Variants in GABRB1 observed in about 807,000 individuals in gnomAD.
GABRB1 encodes gamma-aminobutyric acid receptor subunit beta-1.
Under a neutral mutation model 51.6 loss-of-function variants are expected in GABRB1, and 17 were observed. That is an observed-to-expected ratio of 0.33 (90% CI 0.23 to 0.49). The LOEUF (loss-of-function observed/expected upper bound fraction) is 0.49. GABRB1 is among the 20% of genes least tolerant of loss of function. The pLI, the probability that GABRB1 is intolerant of heterozygous loss-of-function variation, is 0.99. For synonymous variants in GABRB1, 247 were observed against 218.9 expected (o/e 1.13, Z -1.14); for missense variants, 410 against 600.6 (o/e 0.68, Z 3.32).
At chr4:47,394,748 A>G (rs1176549146) in intron 5 of GABRB1, among the ~76,000 whole-genome samples, 1 of 151,904 alleles carries the variant, frequency 6.6e-6, no homozygotes, top group Admixed American at 6.6e-5. Context: ...AAAAAAGTCC[A>G]TGGGAGAAAT....
At chr4:47,089,363 A>G (rs1029943177) in intron 3 of GABRB1, among the ~76,000 whole-genome samples, 2 of 152,176 alleles carry the variant, frequency 1.3e-5, no homozygotes, top group African/African-American at 4.8e-5. Flanking sequence ...ACGAAAGGCA[A>G]TGTATTCTAG....
chr4:47,243,437 G>A (rs1250467302), intron 4 of GABRB1, among the ~76,000 whole-genome samples: 3 of 152,170 alleles, frequency 2.0e-5, no homozygotes, highest in Non-Finnish European at 4.4e-5. Context: ...GTCATTGGTA[G>A]CTTGATGGGA....
At chr4:47,307,406 T>TCA (rs1039870916) in intron 4 of GABRB1, among the ~76,000 whole-genome samples, 3 of 152,038 alleles carry the variant, frequency 2.0e-5, no homozygotes, top group African/African-American at 7.2e-5. Context: ...TCTGGAGTGC[T>TCA]CAATTATTAA....
intron 3 of GABRB1, among the ~76,000 whole-genome samples, chr4:47,102,100 A>T (rs2109609220): frequency 6.6e-6 from 1 of 152,180 alleles, no homozygotes; most frequent in South Asian, 2.1e-4. Context: ...TTGGCAAGTC[A>T]TCATAAGAAC....
At chr4:47,232,987 G>T (rs1244433236) in intron 4 of GABRB1, among the ~76,000 whole-genome samples, 1 of 151,112 alleles carries the variant, frequency 6.6e-6, no homozygotes, top group Non-Finnish European at 1.5e-5. Flanking sequence ...CAATTCTTCT[G>T]CCTCAGCCTC....
At chr4:47,235,212 T>C (rs1250659442) in intron 4 of GABRB1, among the ~76,000 whole-genome samples, 6 of 152,096 alleles carry the variant, frequency 3.9e-5, no homozygotes, top group Non-Finnish European at 8.8e-5. Context: ...AATTTAGCAG[T>C]TAAAATTTCC....
intron 3 of GABRB1, among the ~76,000 whole-genome samples, chr4:47,076,078 A>G (rs10030734): frequency 0.083 from 12,579 of 152,224 alleles, 565 homozygotes; most frequent in South Asian, 0.17. Flanking sequence ...CTGTTTTCCC[A>G]ATGAGATGCA....
intron 4 of GABRB1, among the ~76,000 whole-genome samples, chr4:47,276,921 T>C (rs751596089): frequency 6.6e-6 from 1 of 151,908 alleles, no homozygotes; most frequent in Non-Finnish European, 1.5e-5. Context: ...GGAAATAAAA[T>C]GGCCCCAGAC....
At chr4:47,249,230 G>A (rs1049604925) in intron 4 of GABRB1, among the ~76,000 whole-genome samples, 1 of 152,032 alleles carries the variant, frequency 6.6e-6, no homozygotes. Context: ...TCAATTCAAA[G>A]AATTTTTAAA....
intron 5 of GABRB1, among the ~76,000 whole-genome samples, chr4:47,377,760 A>AT (rs1727440419): frequency 6.6e-6 from 1 of 152,036 alleles, no homozygotes; most frequent in Admixed American, 6.5e-5. Flanking sequence ...AGCTAGATAC[A>AT]GAGTGTCTAC....
At chr4:47,065,797 G>A (rs1727054573) in intron 3 of GABRB1, among the ~76,000 whole-genome samples, 1 of 152,196 alleles carries the variant, frequency 6.6e-6, no homozygotes, top group East Asian at 1.9e-4. Flanking sequence ...AAGGAATGAA[G>A]CCATTGATAA....
intron 3 of GABRB1, among the ~76,000 whole-genome samples, chr4:47,107,280 T>C (rs1225813283): frequency 6.6e-6 from 1 of 152,044 alleles, no homozygotes; most frequent in Non-Finnish European, 1.5e-5. Context: ...AATTCTAGAT[T>C]CTAAAAAAAG....
At chr4:47,013,401 C>T (rs1484108654) in intron 1 of GABRB1, among the ~76,000 whole-genome samples, 1 of 152,118 alleles carries the variant, frequency 6.6e-6, no homozygotes, top group East Asian at 1.9e-4. Flanking sequence ...CTCAGGTGAT[C>T]CACCCACCCT....
intron 3 of GABRB1, among the ~76,000 whole-genome samples, chr4:47,082,650 T>G (rs902513884): frequency 2.3e-4 from 35 of 152,180 alleles, no homozygotes; most frequent in Non-Finnish European, 4.9e-4. Context: ...TCCCAAACCT[T>G]GGAATGTCAC....
chr4:47,257,581 A>C (rs1479717769), intron 4 of GABRB1, among the ~76,000 whole-genome samples: 1 of 151,928 alleles, frequency 6.6e-6, no homozygotes, highest in African/African-American at 2.4e-5. Context: ...ATTGGTGAGA[A>C]GTTGATTGGT....
intron 3 of GABRB1, among the ~76,000 whole-genome samples, chr4:47,048,230 C>T (rs1226982039): frequency 2.0e-5 from 3 of 152,108 alleles, no homozygotes; most frequent in African/African-American, 7.2e-5. Context: ...CATTCAGAGA[C>T]AATGACAAGG....
rs547709403 is a variant in GABRB1, at chr4:47,100,977, G to A, written c.241-60272G>A. Among the ~76,000 whole-genome samples the A allele has an allele frequency of 2.0e-5, 3 of 152,024 alleles. No homozygotes were observed. The South Asian group carries it at 6.2e-4, about 32-fold the overall frequency. On this transcript the variant is annotated intron_variant, in intron 3 of 8. Transcript: ENST00000295454. ...GGACAGTATGTTGTCTATAAAATAC[G>A]GTACATGGAGTGGATGGACAAAAGT...
intron 5 of GABRB1, among the ~76,000 whole-genome samples, chr4:47,400,676 G>C (rs762321952): frequency 4.6e-5 from 7 of 151,878 alleles, no homozygotes; most frequent in Non-Finnish European, 1.0e-4. Flanking sequence ...TACCCAAATA[G>C]TGTACATTGT....
chr4:47,093,518 A>T (rs1714233771), intron 3 of GABRB1, among the ~76,000 whole-genome samples: 1 of 152,182 alleles, frequency 6.6e-6, no homozygotes, highest in African/African-American at 2.4e-5. Context: ...ATTTGCCAGA[A>T]TGTGGCATAT....
Sources: allele counts gnomAD v4.1 joint callset (sites outside exome capture counted in the v4.1 genomes callset), GRCh38; gene constraint gnomAD v4.1.1; transcripts MANE v1.5; gene names NCBI Gene and HGNC (gene_info 2026-07-23, HGNC 2026-07-21).